Variants in TRERF1 observed in about 807,000 individuals in gnomAD.
TRERF1 encodes transcriptional regulating factor 1.
TRERF1 carries 27 observed loss-of-function variants against 122.9 expected under a neutral mutation model. The ratio of observed to expected loss-of-function variants is 0.22; its 90% CI spans 0.16 to 0.30. The LOEUF (loss-of-function observed/expected upper bound fraction) is 0.30, where lower values mean the gene tolerates loss of function less well. Ranked by LOEUF, TRERF1 falls within the 10% of genes least tolerant of loss-of-function variation. The pLI is 1.00. For synonymous variants in TRERF1, 636 were observed against 641.7 expected, an observed-to-expected ratio of 0.99 and a Z score of 0.13; for missense variants, 1,248 against 1,560.3, an observed-to-expected ratio of 0.80 and a Z score of 3.37.
chr6:42,311,064 C>A (rs1170264647), intron 3 of TRERF1, among the ~76,000 whole-genome samples: 1 of 152,104 alleles, frequency 6.6e-6, no homozygotes, highest in Non-Finnish European at 1.5e-5. Context: ...TTATTGAGCA[C>A]CTACTATATG....
intron 8 of TRERF1, among the ~76,000 whole-genome samples, chr6:42,261,175 C>T (rs772707127): frequency 1.3e-5 from 2 of 151,520 alleles, no homozygotes; most frequent in African/African-American, 4.9e-5. Context: ...GAGGCCTGTG[C>T]CCCCCCCAAG....
chr6:42,308,960 G>GA (rs11335283), intron 3 of TRERF1, among the ~76,000 whole-genome samples: 3 of 151,208 alleles, frequency 2.0e-5, no homozygotes, highest in Admixed American at 6.6e-5. Flanking sequence ...TTTTTTACGT[G>GA]AAAAAAAAAA....
chr6:42,261,031 C>T (rs1364707868), intron 8 of TRERF1, among the ~76,000 whole-genome samples: 1 of 152,004 alleles, frequency 6.6e-6, no homozygotes, highest in Non-Finnish European at 1.5e-5. Context: ...CGCCCCCACC[C>T]CTCCCCTATC....
At chr6:42,267,631 CA>C (rs566221240) in intron 5 of TRERF1, among the ~76,000 whole-genome samples, 1 of 151,256 alleles carries the variant, frequency 6.6e-6, no homozygotes, top group African/African-American at 2.4e-5. Context: ...GACTCCATCT[CA>C]AAAAAAACAA....
At chr6:42,319,802 G>C (rs1425722348) in intron 3 of TRERF1, among the ~76,000 whole-genome samples, 1 of 111,958 alleles carries the variant, frequency 8.9e-6, no homozygotes, top group African/African-American at 3.7e-5. Flanking sequence ...GACAGAGTGA[G>C]ACTGTGTTTC....
chr6:42,268,224 G>T lies in TRERF1; in HGVS notation c.1367C>A (p.Pro456His), dbSNP rs775289882. Residue 456 changes from proline (P) to histidine (H), a missense_variant, in exon 5 of 18, where the codon CCC (proline) becomes CAC (histidine). Coordinates refer to ENST00000372922, the Ensembl canonical transcript of TRERF1. This position sits in a 1 kb window ranked among gnomAD's most constrained non-coding sequence, Gnocchi z 4.4. ...CATGTTGTTGAGGTGGATCCCACTG[G>T]GGGATAGGAGGGGGCGATGGGGGAG... is the stretch of plus-strand genomic sequence containing the variant. The T allele has an allele frequency of 5.4e-6, 8 of 1,491,982 alleles. No homozygotes were observed. In the East Asian group the frequency reaches 1.9e-4, roughly 35 times the overall value. 92.4% of individuals were successfully genotyped at this position (1,491,982 alleles called of 1,614,324 possible).
At chr6:42,418,300 G>T (rs146125499) in intron 2 of TRERF1, among the ~76,000 whole-genome samples, 1 of 110,706 alleles carries the variant, frequency 9.0e-6, no homozygotes, top group Non-Finnish European at 1.7e-5. Context: ...ATGGAGTTTC[G>T]CTCTTGTAGC....
chr6:42,336,002 C>T (rs1341409729), intron 3 of TRERF1, among the ~76,000 whole-genome samples: 1 of 152,212 alleles, frequency 6.6e-6, no homozygotes, highest in African/African-American at 2.4e-5. Flanking sequence ...CTGTTGAGCA[C>T]TTGCAGTCTA....
intron 14 of TRERF1, among the ~76,000 whole-genome samples, chr6:42,245,969 G>C (rs944360617): frequency 2.0e-5 from 3 of 152,208 alleles, no homozygotes; most frequent in African/African-American, 4.8e-5. Flanking sequence ...TTAGCCGGGC[G>C]TGGTGGTGCA....
At chr6:42,314,714 A>G (rs1348363432) in intron 3 of TRERF1, among the ~76,000 whole-genome samples, 1 of 152,222 alleles carries the variant, frequency 6.6e-6, no homozygotes, top group Non-Finnish European at 1.5e-5. Flanking sequence ...CAAATGCCTG[A>G]AGGAATAAGA....
chr6:42,337,833 T>A (rs962446995), intron 3 of TRERF1, among the ~76,000 whole-genome samples: 1 of 152,120 alleles, frequency 6.6e-6, no homozygotes, highest in African/African-American at 2.4e-5. Context: ...CCAGGCCCCA[T>A]CAACCAGAGA....
Position 42,412,278 on chromosome 6 carries a change from G to A in TRERF1, c.-454+38899C>T, listed in dbSNP as rs1781226910. On this transcript the variant is annotated intron_variant, in intron 2 of 17. Coordinates refer to ENST00000372922, the Ensembl canonical transcript of TRERF1. Reference sequence around the variant, plus strand: ...GGCCTCCCAAAGTGCTGGGATTACAGGCGTGAGCCACCACGCCCAGCCTAA... The same window carrying A: ...GGCCTCCCAAAGTGCTGGGATTACAAGCGTGAGCCACCACGCCCAGCCTAA... 2.0e-5 allele frequency among the ~76,000 whole-genome samples: 3 copies of A among 152,142 alleles called. No individual in the cohort carries two copies. The South Asian group carries it at 6.2e-4, about 32-fold the overall frequency.
At chr6:42,358,621 C>T (rs1190121784) in intron 3 of TRERF1, among the ~76,000 whole-genome samples, 4 of 152,128 alleles carry the variant, frequency 2.6e-5, no homozygotes, top group Non-Finnish European at 5.9e-5. Context: ...TGAGTGTTTT[C>T]TATTTAAAGA....
chr6:42,436,848 T>TATATATA (rs1785535739), intron 2 of TRERF1, among the ~76,000 whole-genome samples: 1 of 117,166 alleles, frequency 8.5e-6, no homozygotes. Context: ...TATATATATA[T>TATATATA]GAACTACTTT....
At chr6:42,373,481 C>A (rs1774158252) in intron 2 of TRERF1, among the ~76,000 whole-genome samples, 1 of 152,062 alleles carries the variant, frequency 6.6e-6, no homozygotes, top group African/African-American at 2.4e-5. Context: ...TCCTGGCAAA[C>A]ACAGTGAAAC....
intron 17 of TRERF1, among the ~76,000 whole-genome samples, chr6:42,230,451 C>T (rs1044576981): frequency 2.0e-5 from 3 of 152,090 alleles, no homozygotes; most frequent in African/African-American, 4.8e-5. Flanking sequence ...TCTGTCTCCA[C>T]CTGGTGGAAT....
chr6:42,441,706 A>C (rs1786550028), intron 2 of TRERF1, among the ~76,000 whole-genome samples: 1 of 152,134 alleles, frequency 6.6e-6, no homozygotes, highest in Admixed American at 6.5e-5. Context: ...TTCTGAAGTA[A>C]GCATTTTTAC....
chr6:42,333,240 G>A (rs1452732595), intron 3 of TRERF1, among the ~76,000 whole-genome samples: 1 of 152,226 alleles, frequency 6.6e-6, no homozygotes, highest in Non-Finnish European at 1.5e-5. Context: ...ATTTTCAGAA[G>A]CTCATTTCAT....
At chr6:42,243,458 A>G in intron 14 of TRERF1, 97 bp from the exon 15 acceptor site, 1 of 820,004 alleles carries the variant, frequency 1.2e-6, no homozygotes, top group South Asian at 1.6e-5. Flanking sequence ...AGGGTAATAA[A>G]CAAGTTTGTA....
Sources: gnomAD v4.1 joint callset for allele counts (sites outside exome capture counted in the v4.1 genomes callset) on GRCh38, gnomAD v4.1.1 for gene constraint, Gnocchi (gnomAD v3.1) non-coding constraint, MANE v1.5 for transcripts, NCBI Gene and HGNC (gene_info 2026-07-23, HGNC 2026-07-21) for gene names.